Variants in FILIP1 observed in about 807,000 individuals in gnomAD.
The protein encoded by FILIP1 is filamin A interacting protein 1, also known as filamin-A-interacting protein 1.
In FILIP1, 61 loss-of-function variants were observed where a neutral mutation model predicts 102.1. The ratio of observed to expected loss-of-function variants is 0.60; its 90% CI spans 0.49 to 0.74. FILIP1 has a LOEUF of 0.74. FILIP1 is among the 30% of genes least tolerant of loss of function. The pLI is 0.00. For missense variants in FILIP1, 1,314 were observed against 1,441.2 expected (o/e 0.91, Z 1.43); for synonymous variants, 491 against 526.9 (o/e 0.93, Z 0.93).
chr6:75,430,403 T>C (rs1302057659), intron 1 of FILIP1, among the ~76,000 whole-genome samples: 1 of 152,186 alleles, frequency 6.6e-6, no homozygotes, highest in Non-Finnish European at 1.5e-5. Flanking sequence ...AACATGTATA[T>C]GTATTTATAA....
At chr6:75,487,643 G>A (rs1779830874) in intron 1 of FILIP1, among the ~76,000 whole-genome samples, 1 of 151,872 alleles carries the variant, frequency 6.6e-6, no homozygotes, top group Non-Finnish European at 1.5e-5. Flanking sequence ...TCTTGGTGGT[G>A]CCAGCAGTCT....
At chr6:75,440,674 A>G (rs1331611829) in intron 1 of FILIP1, among the ~76,000 whole-genome samples, 1 of 152,194 alleles carries the variant, frequency 6.6e-6, no homozygotes, top group Non-Finnish European at 1.5e-5. Flanking sequence ...TGGGTATGAC[A>G]GGCCGGACGC....
intron 2 of FILIP1, among the ~76,000 whole-genome samples, chr6:75,379,011 C>A (rs1346034692): frequency 2.6e-5 from 4 of 152,102 alleles, no homozygotes; most frequent in African/African-American, 9.7e-5. Flanking sequence ...TATTTCTTTA[C>A]CTATACATAA....
intron 1 of FILIP1, among the ~76,000 whole-genome samples, chr6:75,420,046 T>C (rs1193269260): frequency 6.6e-6 from 1 of 152,174 alleles, no homozygotes; most frequent in African/African-American, 2.4e-5. Flanking sequence ...CCTATTAGGG[T>C]AGATCTATTC....
At chr6:75,430,979 A>G (rs1160096181) in intron 1 of FILIP1, among the ~76,000 whole-genome samples, 11 of 152,236 alleles carry the variant, frequency 7.2e-5, no homozygotes, top group Non-Finnish European at 1.5e-4. Flanking sequence ...CAGCAAAATA[A>G]TAAGTATGTA....
At chr6:75,460,885 G>C (rs1183397001) in intron 1 of FILIP1, among the ~76,000 whole-genome samples, 3 of 152,146 alleles carry the variant, frequency 2.0e-5, no homozygotes, top group Admixed American at 6.6e-5. Flanking sequence ...TTATAAGAGA[G>C]ATAAGACATG....
intron 1 of FILIP1, chr6:75,473,641 G>A (rs115620603): frequency 2.6e-5 from 4 of 152,108 alleles, no homozygotes; most frequent in Non-Finnish European, 5.9e-5. Context: ...CCATGCATAC[G>A]CTAACTAAGA....
intron 1 of FILIP1, among the ~76,000 whole-genome samples, chr6:75,479,259 GA>G (rs1473224106): frequency 6.6e-6 from 1 of 152,114 alleles, no homozygotes; most frequent in African/African-American, 2.4e-5. Flanking sequence ...CATGTGTTTA[GA>G]TTTTTTTATT....
chr6:75,380,629 A>T (rs1775882135), intron 2 of FILIP1, among the ~76,000 whole-genome samples: 1 of 152,192 alleles, frequency 6.6e-6, no homozygotes, highest in African/African-American at 2.4e-5. Flanking sequence ...AAGGACAAAG[A>T]TTGTTGCAGA....
chr6:75,421,752 G>A (rs981947953), intron 1 of FILIP1, among the ~76,000 whole-genome samples: 2 of 152,108 alleles, frequency 1.3e-5, no homozygotes, highest in African/African-American at 4.8e-5. Context: ...CTCATCTAGA[G>A]TGCAAATAAC....
At chr6:75,444,542 G>C (rs2149726353) in intron 1 of FILIP1, among the ~76,000 whole-genome samples, 1 of 107,322 alleles carries the variant, frequency 9.3e-6, no homozygotes, top group South Asian at 3.3e-4. Context: ...GTAGTACTTT[G>C]ATTTACAACA....
At chr6:75,372,737 A>G (rs1775603574) in intron 2 of FILIP1, among the ~76,000 whole-genome samples, 4 of 31,970 alleles carry the variant, frequency 1.3e-4, no homozygotes, top group African/African-American at 5.7e-4. Context: ...AGAGAAAGAA[A>G]GAAAGAAAGA....
chr6:75,366,943 T>A lies in FILIP1; in HGVS notation c.277-4026A>T, dbSNP rs566704364. On this transcript the variant is annotated intron_variant, in intron 2 of 5. Coordinates refer to ENST00000237172, the MANE Select transcript of FILIP1 (RefSeq NM_015687.5). ...CACAACCCCTATACATTATAGGGACTGTGTTAGGCTCTAAACAAGATAATG... is the reference window on the plus strand; with the variant it reads ...CACAACCCCTATACATTATAGGGACAGTGTTAGGCTCTAAACAAGATAATG... Among the ~76,000 whole-genome samples the A allele has an allele frequency of 2.6e-5, 4 of 152,178 alleles. No homozygotes were observed. In the South Asian group the frequency reaches 8.3e-4, roughly 32 times the overall value.
chr6:75,314,731 G>A lies in FILIP1; in HGVS notation c.1101C>T (p.Ala367=). The A allele has an allele frequency of 6.2e-7, 1 of 1,614,080 alleles. No individual in the cohort carries two copies. The highest frequency in any genetic ancestry group is 8.5e-7 in the Non-Finnish European group (1 of 1,180,014). ...GGCTAGAGTTTCCACATTCTCCTTTGGCAATTTTATCTCTTAATTCTTGAA... is the reference window on the plus strand; with the variant it reads ...GGCTAGAGTTTCCACATTCTCCTTTAGCAATTTTATCTCTTAATTCTTGAA... ...EELQELRDKI[A]KGECGNSSLM... The change falls in exon 5 of 6, where the codon GCC becomes GCT. Residue 367 remains alanine, a synonymous_variant. Coordinates refer to ENST00000237172, the MANE Select transcript of FILIP1 (RefSeq NM_015687.5).
rs1335773230 is a variant in FILIP1 at position 75,362,726 on chromosome 6, T to G, written c.450+18A>C. ...CTGAGGTTCCCATCCAGGGGACTTGTTGGTGTCATATTTTTACCTCTGAAA... is the reference window on the plus strand; with the variant it reads ...CTGAGGTTCCCATCCAGGGGACTTGGTGGTGTCATATTTTTACCTCTGAAA... On this transcript the variant is annotated intron_variant, in intron 3 of 5. Coordinates refer to ENST00000237172, the MANE Select transcript of FILIP1 (RefSeq NM_015687.5). 4 of 1,609,854 alleles carry G rather than the reference T, an allele frequency of 2.5e-6. No homozygotes were observed. The highest frequency in any genetic ancestry group is 2.2e-5 in the East Asian group (1 of 44,840).
chr6:75,410,401 T>G (rs895201262), intron 2 of FILIP1, among the ~76,000 whole-genome samples: 7 of 152,126 alleles, frequency 4.6e-5, no homozygotes, highest in African/African-American at 1.7e-4. Context: ...TTGAGATTTT[T>G]TTTTTTTATT....
intron 1 of FILIP1, among the ~76,000 whole-genome samples, chr6:75,444,608 TAC>T (rs1182648055): frequency 6.6e-6 from 1 of 152,016 alleles, no homozygotes; most frequent in Non-Finnish European, 1.5e-5. Context: ...TAAGTTGTTT[TAC>T]AGTCAGTCTA....
chr6:75,477,173 A>G (rs555251586), intron 1 of FILIP1, among the ~76,000 whole-genome samples: 13 of 152,326 alleles, frequency 8.5e-5, no homozygotes, highest in African/African-American at 3.1e-4. Flanking sequence ...CAGAAGAAAT[A>G]ACAGAAAAAG....
chr6:75,412,479 A>T (rs1267521690), intron 2 of FILIP1, among the ~76,000 whole-genome samples: 1 of 152,168 alleles, frequency 6.6e-6, no homozygotes, highest in Non-Finnish European at 1.5e-5. Flanking sequence ...GAGAGAGGGC[A>T]TCCTTGTCTT....
Sources: gnomAD v4.1 joint callset for allele counts (sites outside exome capture counted in the v4.1 genomes callset) on GRCh38, gnomAD v4.1.1 for gene constraint, MANE v1.5 for transcripts, NCBI Gene and HGNC (gene_info 2026-07-23, HGNC 2026-07-21) for gene names.